The following CLSTN1 variants were observed in gnomAD, a reference collection of about 807,000 sequenced individuals.
CLSTN1 encodes calsyntenin-1.
Under a neutral mutation model 108.3 loss-of-function variants are expected in CLSTN1, and 28 were observed. The observed-to-expected ratio is 0.26, with a 90% CI of 0.19 to 0.35. The LOEUF is 0.35. Ranked by LOEUF, CLSTN1 falls within the 10% of genes least tolerant of loss-of-function variation. The pLI is 1.00. For missense variants in CLSTN1, 1,157 were observed against 1,302.6 expected (o/e 0.89, Z 1.72); for synonymous variants, 524 against 534.9 (o/e 0.98, Z 0.28).
intron 1 of CLSTN1, among the ~76,000 whole-genome samples, chr1:9,792,278 C>T (rs1182308519): frequency 2.0e-5 from 3 of 151,394 alleles, no homozygotes; most frequent in African/African-American, 7.2e-5. Context: ...TGCCGGTATT[C>T]CACACTGACT....
At chr1:9,784,669 A>C (rs756786037) in intron 1 of CLSTN1, among the ~76,000 whole-genome samples, 17 of 152,210 alleles carry the variant, frequency 1.1e-4, no homozygotes, top group Non-Finnish European at 1.8e-4. Flanking sequence ...TTTCATTTGC[A>C]GATTCAACTT....
At chr1:9,773,092 C>T (rs1442157195) in intron 2 of CLSTN1, among the ~76,000 whole-genome samples, 180 bp downstream of exon 2, 4 of 152,084 alleles carry the variant, frequency 2.6e-5, no homozygotes, top group South Asian at 2.1e-4. Context: ...TAAGAACAGG[C>T]CTTTTTGTCA....
At chr1:9,774,059 T>A (rs1052765328) in intron 1 of CLSTN1, among the ~76,000 whole-genome samples, 7 of 152,066 alleles carry the variant, frequency 4.6e-5, no homozygotes, top group Non-Finnish European at 8.8e-5. Context: ...TATTATTATT[T>A]TTTCTTTTTT....
At chr1:9,823,000 G>A (rs1042387492) in intron 1 of CLSTN1, among the ~76,000 whole-genome samples, 3 of 152,150 alleles carry the variant, frequency 2.0e-5, no homozygotes, top group Non-Finnish European at 4.4e-5. Flanking sequence ...TGAAAAGGTG[G>A]GAGGGAAGCA....
intron 1 of CLSTN1, among the ~76,000 whole-genome samples, chr1:9,813,692 C>A (rs1329905798): frequency 6.6e-6 from 1 of 152,134 alleles, no homozygotes. Flanking sequence ...TCATTATACC[C>A]TTTAAAAGCC....
At chr1:9,776,874 C>CAGCATT (rs1254357460) in intron 1 of CLSTN1, among the ~76,000 whole-genome samples, 2 of 147,106 alleles carry the variant, frequency 1.4e-5, no homozygotes, top group African/African-American at 5.3e-5. Context: ...ATCTATCTAT[C>CAGCATT]TATCTATCTA....
At chr1:9,765,030 T>C (rs186403562) in intron 2 of CLSTN1, among the ~76,000 whole-genome samples, 2 of 152,312 alleles carry the variant, frequency 1.3e-5, no homozygotes, top group Admixed American at 1.3e-4. Context: ...CAATGCATTA[T>C]TGCCTTCGAT....
intron 1 of CLSTN1, among the ~76,000 whole-genome samples, chr1:9,784,891 T>C (rs1014079743): frequency 5.9e-5 from 9 of 152,088 alleles, no homozygotes; most frequent in African/African-American, 2.2e-4. Context: ...ATTCTTTTTT[T>C]CCTCAAAAAA....
At chr1:9,739,085 T>A (rs1650842097) in intron 10 of CLSTN1, among the ~76,000 whole-genome samples, 1 of 152,216 alleles carries the variant, frequency 6.6e-6, no homozygotes, top group African/African-American at 2.4e-5. Flanking sequence ...AAGGTGGGAA[T>A]CATGAACCTC....
chr1:9,747,422 C>G (rs1651323331), intron 7 of CLSTN1, among the ~76,000 whole-genome samples: 1 of 152,102 alleles, frequency 6.6e-6, no homozygotes, highest in African/African-American at 2.4e-5. Flanking sequence ...CAAACACCCC[C>G]ATATGCTCAT....
chr1:9,782,589 T>C (rs938761602), intron 1 of CLSTN1, among the ~76,000 whole-genome samples: 1 of 152,216 alleles, frequency 6.6e-6, no homozygotes, highest in African/African-American at 2.4e-5. Flanking sequence ...TTATGGTAGA[T>C]TTCAGTCATT....
intron 1 of CLSTN1, among the ~76,000 whole-genome samples, chr1:9,818,230 G>A (rs1310578585): frequency 1.3e-5 from 2 of 150,672 alleles, no homozygotes; most frequent in African/African-American, 2.4e-5. Context: ...GGCTGGTCTC[G>A]AACTCCTGGA....
intron 1 of CLSTN1, among the ~76,000 whole-genome samples, chr1:9,802,976 C>T (rs1023099551): frequency 2.6e-5 from 4 of 151,976 alleles, no homozygotes; most frequent in Admixed American, 1.3e-4. Context: ...AGGCACCTGC[C>T]ACCACACTTA....
intron 2 of CLSTN1, among the ~76,000 whole-genome samples, chr1:9,765,460 G>T (rs1652279444): frequency 1.3e-5 from 2 of 151,732 alleles, no homozygotes; most frequent in African/African-American, 4.8e-5. Context: ...GAGGCAGGGG[G>T]ATCTTGAGGT....
intron 1 of CLSTN1, among the ~76,000 whole-genome samples, chr1:9,798,124 G>GAGAGGGGAAGAGGGGA (rs1166103024): frequency 4.5e-5 from 6 of 132,072 alleles, no homozygotes; most frequent in African/African-American, 8.8e-5. Flanking sequence ...GAGAGAGGGA[G>GAGAGGGGAAGAGGGGA]AGAGGGGAAG....
chr1:9,732,754 T>G (rs897466045), intron 16 of CLSTN1, among the ~76,000 whole-genome samples: 7 of 152,212 alleles, frequency 4.6e-5, no homozygotes, highest in African/African-American at 1.7e-4. Context: ...AGCGCCAGCC[T>G]CAGCAGCACT....
In CLSTN1 at chr1:9,733,527, G is replaced by A. The variant is rs772477530; in HGVS notation, c.2301C>T (p.Ser767=). The A allele has an allele frequency of 6.8e-6, 11 of 1,614,010 alleles. No homozygotes were observed. Among genetic ancestry groups the A allele is most frequent in the Admixed American group, 5.0e-5 (3 of 60,004 alleles). ...MTFTGVDTMA[S]YEEVLHLLRY... is the part of the protein sequence containing the mutation. ...GCAGCAGGTGCAAAACCTCCTCGTA[G>A]CTGGCCATGGTGTCCACGCCTGCAG... Residue 767 remains serine, a synonymous_variant, in exon 16 of 19, where the codon AGC becomes AGT. Transcript: ENST00000377298.
At position 9,735,410 on chromosome 1, in the gene CLSTN1, C is replaced by G. The variant is rs2101078868; in HGVS notation, c.1883+57G>C. 1.9e-6 allele frequency: 3 copies of G among 1,611,248 alleles called. No homozygotes were observed. The South Asian group carries it at 3.3e-5, about 18-fold the overall frequency. ...GAAGGGGTTAGGCTGTCTTAAAAAC[C>G]TAAATATACAAGTGTCATTGGGCAA... On this transcript the variant is annotated intron_variant, in intron 13 of 18. Transcript: ENST00000377298.
chr1:9,795,462 G>A (rs921869854), intron 1 of CLSTN1, among the ~76,000 whole-genome samples: 3 of 151,068 alleles, frequency 2.0e-5, no homozygotes, highest in Non-Finnish European at 4.4e-5. Flanking sequence ...CACCGTGCCC[G>A]GCCAAATACT....
Sources: allele counts gnomAD v4.1 joint callset (sites outside exome capture counted in the v4.1 genomes callset), GRCh38; gene constraint gnomAD v4.1.1; transcripts MANE v1.5; gene names NCBI Gene and HGNC (gene_info 2026-07-23, HGNC 2026-07-21).